Variants in MSH3 observed in about 807,000 individuals in gnomAD.
MSH3 encodes DNA mismatch repair protein Msh3.
MSH3 carries 106 observed loss-of-function variants against 123.3 expected under a neutral mutation model. The ratio of observed to expected loss-of-function variants is 0.86; its 90% CI spans 0.73 to 1.01. MSH3 has a LOEUF of 1.01. Ranked by LOEUF, MSH3 falls within the 50% of genes least tolerant of loss-of-function variation. The probability of loss-of-function intolerance (pLI) is 0.00; values close to 1 mark genes in which losing one functional copy is unlikely to be tolerated. For synonymous variants in MSH3, 515 were observed against 481.4 expected, an observed-to-expected ratio of 1.07 and a Z score of -0.91; for missense variants, 1,459 against 1,347.6, an observed-to-expected ratio of 1.08 and a Z score of -1.29.
intron 16 of MSH3, among the ~76,000 whole-genome samples, chr5:80,778,079 T>C (rs1463164079): frequency 6.6e-6 from 1 of 152,196 alleles, no homozygotes. Flanking sequence ...ACCTGGCTTC[T>C]CTGACTGGGG....
At chr5:80,845,534 A>G (rs186114469) in intron 20 of MSH3, among the ~76,000 whole-genome samples, 4 of 152,346 alleles carry the variant, frequency 2.6e-5, no homozygotes. Context: ...ACTTTCCAGT[A>G]CACCAATCAA....
chr5:80,826,055 C>G (rs1745292594), intron 20 of MSH3, among the ~76,000 whole-genome samples: 1 of 152,156 alleles, frequency 6.6e-6, no homozygotes, highest in Non-Finnish European at 1.5e-5. Context: ...CTTAGTTTTC[C>G]CCTTCGCTTC....
intron 9 of MSH3, among the ~76,000 whole-genome samples, chr5:80,726,488 G>A (rs245015): frequency 0.73 from 110,647 of 151,970 alleles, 40,420 homozygotes; most frequent in African/African-American, 0.81. Flanking sequence ...ATTTTTTTCT[G>A]TAAGGTCTCA....
chr5:80,762,727 A>G (rs1188527412), intron 13 of MSH3, among the ~76,000 whole-genome samples: 2 of 145,540 alleles, frequency 1.4e-5, no homozygotes, highest in Non-Finnish European at 1.5e-5. Flanking sequence ...TTATGTGCCT[A>G]AATTTTTATT....
At chr5:80,806,356 CAA>C (rs1246218859) in intron 19 of MSH3, among the ~76,000 whole-genome samples, 3 of 152,214 alleles carry the variant, frequency 2.0e-5, no homozygotes, top group Non-Finnish European at 1.5e-5. Flanking sequence ...CTCGGCCTCC[CAA>C]AGTGCTGGGA....
intron 8 of MSH3, among the ~76,000 whole-genome samples, chr5:80,697,281 A>T (rs182761262): frequency 1.3e-5 from 2 of 152,250 alleles, no homozygotes; most frequent in African/African-American, 4.8e-5. Flanking sequence ...TGGCCCTGCC[A>T]TAAGAAAGGT....
chr5:80,676,421 T>A (rs1224658418), intron 7 of MSH3, among the ~76,000 whole-genome samples: 17 of 152,230 alleles, frequency 1.1e-4, no homozygotes. Context: ...CTTAGACTTT[T>A]TAAGGCCCTT....
chr5:80,856,130 C>A (rs989565939), intron 21 of MSH3, among the ~76,000 whole-genome samples: 1 of 152,088 alleles, frequency 6.6e-6, no homozygotes, highest in Non-Finnish European at 1.5e-5. Flanking sequence ...AGTGATCCAC[C>A]TGCCTTGGCT....
chr5:80,856,229 A>T (rs939188157), intron 21 of MSH3, among the ~76,000 whole-genome samples: 1 of 151,454 alleles, frequency 6.6e-6, no homozygotes, highest in East Asian at 1.9e-4. Flanking sequence ...CCCAAGAGTG[A>T]CTCAGGTTTT....
At chr5:80,801,381 T>C (rs1744787818) in intron 19 of MSH3, among the ~76,000 whole-genome samples, 1 of 152,170 alleles carries the variant, frequency 6.6e-6, no homozygotes, top group Non-Finnish European at 1.5e-5. Context: ...TGTGTCTTTT[T>C]TCCTGCTGGT....
chr5:80,669,411 A>G (rs1749649911), intron 3 of MSH3, among the ~76,000 whole-genome samples: 2 of 152,180 alleles, frequency 1.3e-5, no homozygotes, highest in Admixed American at 6.5e-5. Context: ...TGTCTCATTT[A>G]CATTTTTCTA....
intron 20 of MSH3, among the ~76,000 whole-genome samples, chr5:80,848,445 C>T (rs1474676937): frequency 1.3e-5 from 2 of 152,004 alleles, no homozygotes; most frequent in African/African-American, 2.4e-5. Context: ...TAATTCTTTC[C>T]AGTTCTATTA....
chr5:80,731,192 C>T (rs994044439), intron 10 of MSH3, among the ~76,000 whole-genome samples: 3 of 151,962 alleles, frequency 2.0e-5, no homozygotes, highest in African/African-American at 4.8e-5. Flanking sequence ...TGTGAGCCAC[C>T]GTGTCCGGCC....
At chr5:80,760,987 A>T (rs1744021854) in intron 12 of MSH3, among the ~76,000 whole-genome samples, 1 of 152,124 alleles carries the variant, frequency 6.6e-6, no homozygotes, top group Non-Finnish European at 1.5e-5. Context: ...CCAGCTAGTG[A>T]ATTTCCTTGT....
At chr5:80,756,354 G>C (rs1743925354) in intron 12 of MSH3, among the ~76,000 whole-genome samples, 1 of 152,126 alleles carries the variant, frequency 6.6e-6, no homozygotes, top group Non-Finnish European at 1.5e-5. Context: ...TGCAGCACAG[G>C]GTGGCAATGT....
intron 9 of MSH3, 114 bp from the exon 10 acceptor site, chr5:80,728,737 A>C (rs1031761294): frequency 7.3e-5 from 46 of 633,986 alleles, no homozygotes; most frequent in Non-Finnish European, 1.7e-5. Context: ...ATTAAGTTTT[A>C]CTTAAAATTT....
At chr5:80,725,796 G>C (rs963997614) in intron 9 of MSH3, among the ~76,000 whole-genome samples, 5 of 152,154 alleles carry the variant, frequency 3.3e-5, no homozygotes, top group Non-Finnish European at 7.3e-5. Flanking sequence ...GCAGCAATGA[G>C]CTATTATCAT....
At chr5:80,849,725 A>G (rs1411203263) in intron 20 of MSH3, among the ~76,000 whole-genome samples, 1 of 151,838 alleles carries the variant, frequency 6.6e-6, no homozygotes, top group African/African-American at 2.4e-5. Flanking sequence ...GGCCCATGAA[A>G]CCACTTTTTC....
chr5:80,767,809 C>T, intron 13 of MSH3, 124 bp from the exon 14 acceptor site: 2 of 697,178 alleles, frequency 2.9e-6, no homozygotes, highest in South Asian at 3.6e-5. Flanking sequence ...TATTTTATTT[C>T]AACTAACTAG....
Sources: gnomAD v4.1 joint callset for allele counts (sites outside exome capture counted in the v4.1 genomes callset) on GRCh38, gnomAD v4.1.1 for gene constraint, MANE v1.5 for transcripts, NCBI Gene and HGNC (gene_info 2026-07-23, HGNC 2026-07-21) for gene names.